TNC: variants seen among roughly 807,000 people sequenced by gnomAD.
TNC encodes the protein tenascin C.
In TNC, 109 loss-of-function variants were observed where a neutral mutation model predicts 202.4. The ratio of observed to expected loss-of-function variants is 0.54; its 90% CI spans 0.46 to 0.63. TNC has a LOEUF of 0.63. Among genes scored for constraint, TNC ranks in the 30% least tolerant of loss-of-function variants. The pLI, the probability that TNC is intolerant of heterozygous loss-of-function variation, is 0.00. For synonymous variants in TNC, 1,007 were observed against 1,089.7 expected (o/e 0.92, Z 1.50); for missense variants, 2,756 against 2,833.3 (o/e 0.97, Z 0.62).
chr9:115,099,120 T>G (rs900374482), intron 1 of TNC, among the ~76,000 whole-genome samples: 1 of 152,094 alleles, frequency 6.6e-6, no homozygotes, highest in Non-Finnish European at 1.5e-5. Flanking sequence ...CACAGTGGCT[T>G]AGCTGGTGCC....
At chr9:115,026,390 T>C (rs958787342) in intron 26 of TNC, 144 bp downstream of exon 26, 3 of 840,516 alleles carry the variant, frequency 3.6e-6, no homozygotes, top group African/African-American at 3.4e-5. Context: ...TTTTTCTGGA[T>C]TGGCACTCAG....
chr9:115,066,496 G>A (rs957194935), intron 10 of TNC, among the ~76,000 whole-genome samples: 4 of 152,146 alleles, frequency 2.6e-5, no homozygotes, highest in African/African-American at 9.7e-5. Flanking sequence ...CCTTTCAGAG[G>A]AGAAAACATT....
In TNC at chr9:115,053,129, A is replaced by G. The variant is rs1831836115; in HGVS notation, c.4579+4024T>C. On this transcript the variant is annotated intron_variant, in intron 15 of 27. Transcript: ENST00000350763. ...AGCATCAATATCTCCAAATACATAC[A>G]GAAGAGACAGTATGTTAGGCTGTGT... The G allele has an allele frequency of 9.7e-6, 6 of 621,484 alleles. No homozygotes were observed. In the East Asian group the frequency reaches 1.6e-4, roughly 17 times the overall value. The allele number at this position is 621,484 out of a possible 1,614,324, so 38.5% of individuals were successfully genotyped here.
In TNC at chr9:115,060,017, A is replaced by T; in HGVS notation, c.4034-15T>A. 1 of 1,602,656 alleles carries T rather than the reference A, an allele frequency of 6.2e-7. No homozygotes were observed. The highest frequency in any genetic ancestry group is 8.5e-7 in the Non-Finnish European group (1 of 1,173,314). On this transcript the variant is annotated splice_polypyrimidine_tract_variant and intron_variant, in intron 13 of 27. Transcript: ENST00000350763. The stretch of plus-strand genomic sequence containing the variant: ...TGGGAGATCCTCTGAAGAAGGACAG[A>T]AAAGTATTTGTCAGTTCTATAAACC...
Position 115,064,714 on chromosome 9 carries a change from A to G in TNC, c.3420T>C (p.Tyr1140=), listed in dbSNP as rs1185764992. 6.2e-7 allele frequency: 1 copy of G among 1,614,246 alleles called. No homozygotes were observed. Among genetic ancestry groups the G allele is most frequent in the Non-Finnish European group, 8.5e-7 (1 of 1,180,040 alleles). ...GGATCACCCCATAGATGGAGACTGT[A>G]TAAGGCGTAGCAGCCTTGAGGCCCG... ...DIPGLKAATP[Y]TVSIYGVIQG... Residue 1140 remains tyrosine, a synonymous_variant, in exon 11 of 28, where the codon TAT becomes TAC. Transcript: ENST00000350763.
At chr9:115,026,736 C>T (rs1373481036) in intron 25 of TNC, 41 bp from the exon 26 acceptor site, 6 of 1,603,822 alleles carry the variant, frequency 3.7e-6, no homozygotes, top group Non-Finnish European at 5.1e-6. Context: ...GCACAGGTGA[C>T]TGAGGCCCTC....
At chr9:115,106,592 CT>C (rs1836632914) in intron 1 of TNC, among the ~76,000 whole-genome samples, 2 of 152,158 alleles carry the variant, frequency 1.3e-5, no homozygotes, top group South Asian at 4.1e-4. Context: ...TTAGGCAAAT[CT>C]TTAAAGCCCC....
intron 19 of TNC, among the ~76,000 whole-genome samples, chr9:115,038,749 A>G (rs1302680167): frequency 6.6e-6 from 1 of 152,252 alleles, no homozygotes; most frequent in Non-Finnish European, 1.5e-5. Context: ...CCCCAGAGAA[A>G]GAACTTACAC....
chr9:115,091,033 T>C lies in TNC; in HGVS notation c.-15A>G. The C allele has an allele frequency of 6.2e-7, 1 of 1,604,722 alleles. No homozygotes were observed. Among genetic ancestry groups the C allele is most frequent in the African/African-American group, 1.3e-5 (1 of 75,022 alleles). On this transcript the variant is annotated 5_prime_UTR_variant, in exon 2 of 28. Coordinates refer to ENST00000350763, the MANE Select transcript of TNC (RefSeq NM_002160.4). ...ATGGCCCCCATGGTGGAGGTGGGTT[T>C]GGCTGGGTGCTGCTGGGGCTCTAGG...
intron 15 of TNC, among the ~76,000 whole-genome samples, chr9:115,050,650 T>A (rs922605559): frequency 1.1e-4 from 17 of 152,228 alleles, no homozygotes; most frequent in African/African-American, 4.1e-4. Context: ...TATTGTTCTA[T>A]CTAGCCTTAT....
rs756659190 is a variant in TNC, at chr9:115,040,925, AACCC to A, written c.5392+12_5392+15del. 1 of 1,606,632 alleles carries A rather than the reference AACCC, an allele frequency of 6.2e-7. No homozygotes were observed. The highest frequency in any genetic ancestry group is 1.1e-5 in the South Asian group (1 of 89,772). ...AATAGTAACACACACACACACACAC[AACCC>A]CACCAACTCACCTGTGGTGAATGAC... On this transcript the variant is annotated intron_variant, in intron 19 of 27. Transcript: ENST00000350763.
At chr9:115,091,467 G>A (rs1236172923) in intron 1 of TNC, among the ~76,000 whole-genome samples, 1 of 152,198 alleles carries the variant, frequency 6.6e-6, no homozygotes, top group Non-Finnish European at 1.5e-5. Context: ...GATACGTTAT[G>A]TAATTTTTCT....
chr9:115,093,069 A>G (rs1835354650), intron 1 of TNC, among the ~76,000 whole-genome samples: 1 of 152,178 alleles, frequency 6.6e-6, no homozygotes, highest in South Asian at 2.1e-4. Context: ...AGAATGCATC[A>G]ACATGATCCC....
intron 21 of TNC, 76 bp downstream of exon 21, chr9:115,036,022 G>A: frequency 1.3e-6 from 2 of 1,561,834 alleles, no homozygotes; most frequent in Non-Finnish European, 8.7e-7. Context: ...GAACTGGCTA[G>A]CGGTTCCTGT....
intron 8 of TNC, 60 bp from the exon 9 acceptor site, chr9:115,076,181 G>T: frequency 6.4e-7 from 1 of 1,560,578 alleles, no homozygotes; most frequent in Non-Finnish European, 8.8e-7. Flanking sequence ...TTCAGAGGAT[G>T]ATAAAAATGG....
intron 20 of TNC, 58 bp downstream of exon 20, chr9:115,038,203 G>A: frequency 7.6e-6 from 12 of 1,572,656 alleles, no homozygotes; most frequent in Non-Finnish European, 1.0e-5. Context: ...CGAATGGGAA[G>A]AGTTTACAGC....
chr9:115,048,618 T>C, intron 15 of TNC, 86 bp from the exon 16 acceptor site: 2 of 1,311,026 alleles, frequency 1.5e-6, no homozygotes, highest in South Asian at 1.4e-5. Flanking sequence ...CACCAATAGA[T>C]ACCCAAGTCC....
Position 115,087,270 on chromosome 9 carries a change from C to A in TNC, c.461G>T (p.Arg154Leu), listed in dbSNP as rs778176481. Residue 154 changes from arginine (R) to leucine (L), a missense_variant, in exon 3 of 28, where the codon CGC (arginine) becomes CTC (leucine). By Grantham distance (102) the Arg-to-Leu change is moderately radical (BLOSUM62 -2). Around this residue, in one of 2 missense-constraint regions of TNC, gnomAD observed 2,559 missense variants for 2,546.0 expected, o/e 1.01. Coordinates refer to ENST00000350763, the MANE Select transcript of TNC (RefSeq NM_002160.4). The part of the protein sequence containing the change: ...AGCCLQPATG[R>L]LDTRPFCSGR... ...GCTACAGAAGGGCCTGGTGTCCAAG[C>A]GGCCTGCAACAAAAGAAACAGAAGT... is the stretch of plus-strand genomic sequence containing the variant. 1.2e-6 allele frequency: 2 copies of A among 1,609,842 alleles called. No homozygotes were observed. Among genetic ancestry groups the A allele is most frequent in the Non-Finnish European group, 1.7e-6 (2 of 1,176,474 alleles).
At chr9:115,073,432 G>A (rs1271082118) in intron 10 of TNC, among the ~76,000 whole-genome samples, 171 bp downstream of exon 10, 1 of 152,200 alleles carries the variant, frequency 6.6e-6, no homozygotes, top group Non-Finnish European at 1.5e-5. Flanking sequence ...GTTGACAGGA[G>A]GTAGAAAAGA....
Sources: gnomAD v4.1 joint callset for allele counts (sites outside exome capture counted in the v4.1 genomes callset) on GRCh38, gnomAD v4.1.1 for gene constraint, gnomAD v4.1.1 regional missense constraint, MANE v1.5 for transcripts, NCBI Gene and HGNC (gene_info 2026-07-23, HGNC 2026-07-21) for gene names.